Variants in DAB1 observed in about 807,000 individuals in gnomAD.
DAB1 encodes the protein disabled homolog 1.
A neutral mutation model predicts 64.6 loss-of-function variants in DAB1; 15 were observed. The ratio of observed to expected loss-of-function variants is 0.23; its 90% confidence interval spans 0.16 to 0.36. DAB1 has a LOEUF of 0.36. DAB1 is among the 10% of genes least tolerant of loss of function. DAB1 has a pLI of 1.00. For missense variants in DAB1, 596 were observed against 706.7 expected, an observed-to-expected ratio of 0.84 and a Z score of 1.78; for synonymous variants, 235 against 251.9, an observed-to-expected ratio of 0.93 and a Z score of 0.64.
intron 4 of DAB1, among the ~76,000 whole-genome samples, chr1:58,266,389 G>T (rs1227466724): frequency 6.6e-6 from 1 of 152,132 alleles, no homozygotes; most frequent in African/African-American, 2.4e-5. Flanking sequence ...GCTTCTCTCT[G>T]CTGCCAGGAA....
upstream of DAB1, among the ~76,000 whole-genome samples, chr1:57,887,839 G>A (rs1644248724): frequency 6.6e-6 from 1 of 152,174 alleles, no homozygotes; most frequent in African/African-American, 2.4e-5. Flanking sequence ...TGGTTTTTCT[G>A]TGGTTTGGAT....
chr1:58,408,019 A>T (rs1644633163), intron 3 of DAB1, among the ~76,000 whole-genome samples: 2 of 152,172 alleles, frequency 1.3e-5, no homozygotes, highest in African/African-American at 4.8e-5. Context: ...TTTCTCTAAC[A>T]TGGTGGGTCT....
chr1:57,718,174 GA>G (rs1243189749), intron 6 of DAB1, among the ~76,000 whole-genome samples: 1 of 152,064 alleles, frequency 6.6e-6, no homozygotes, highest in Non-Finnish European at 1.5e-5. Context: ...TCACCACAAA[GA>G]AATGATAAAT....
chr1:57,290,679 C>T (rs1034266977), intron 2 of DAB1, among the ~76,000 whole-genome samples: 7 of 151,914 alleles, frequency 4.6e-5, no homozygotes, highest in East Asian at 3.9e-4. Flanking sequence ...ATTATGAATA[C>T]GAAACACACA....
chr1:58,061,779 G>A (rs1054298566), intron 5 of DAB1, among the ~76,000 whole-genome samples: 1 of 151,882 alleles, frequency 6.6e-6, no homozygotes, highest in Non-Finnish European at 1.5e-5. Context: ...TCCCCATAGG[G>A]TTTATTGCAC....
At chr1:57,938,525 T>C (rs1254648372) in intron 5 of DAB1, among the ~76,000 whole-genome samples, 2 of 152,166 alleles carry the variant, frequency 1.3e-5, no homozygotes, top group African/African-American at 4.8e-5. Context: ...CCGCTTCACT[T>C]GTTCGCTCTC....
At chr1:58,190,768 T>C (rs572311963) in intron 4 of DAB1, among the ~76,000 whole-genome samples, 26 of 152,312 alleles carry the variant, frequency 1.7e-4, no homozygotes, top group Middle Eastern at 3.4e-3. Context: ...GGAAATGCTA[T>C]AAATAGCAAA....
At chr1:57,015,508 AC>A (rs975715198) in intron 11 of DAB1, 77 bp from the exon 12 acceptor site, 73 of 1,331,056 alleles carry the variant, frequency 5.5e-5, no homozygotes, top group Non-Finnish European at 7.3e-5. Context: ...CAGGTAATTG[AC>A]AGAAATGTAT....
chr1:58,291,651 G>T (rs1034715265), intron 4 of DAB1, among the ~76,000 whole-genome samples: 1 of 152,178 alleles, frequency 6.6e-6, no homozygotes, highest in African/African-American at 2.4e-5. Context: ...TTACTATGTG[G>T]CAAGTGCTTC....
chr1:57,687,165 C>T (rs1377016404), intron 6 of DAB1, among the ~76,000 whole-genome samples: 5 of 152,284 alleles, frequency 3.3e-5, no homozygotes, highest in South Asian at 4.1e-4. Flanking sequence ...CATCAAAAGG[C>T]TACTAGAACT....
At chr1:58,176,302 C>T (rs1439283881) in intron 4 of DAB1, among the ~76,000 whole-genome samples, 1 of 152,138 alleles carries the variant, frequency 6.6e-6, no homozygotes, top group Non-Finnish European at 1.5e-5. Flanking sequence ...AGACAATATT[C>T]ACTATAGATA....
intron 4 of DAB1, among the ~76,000 whole-genome samples, chr1:58,296,357 C>A (rs1661994159): frequency 6.6e-6 from 1 of 152,114 alleles, no homozygotes; most frequent in African/African-American, 2.4e-5. Context: ...TGATTGTGGT[C>A]CCTCCCAAAG....
intron 1 of DAB1, among the ~76,000 whole-genome samples, chr1:57,304,214 G>C (rs1339569591): frequency 6.6e-6 from 1 of 152,090 alleles, no homozygotes; most frequent in East Asian, 1.9e-4. Context: ...AGAAGGTGGG[G>C]GAGGTGCCTC....
intron 3 of DAB1, among the ~76,000 whole-genome samples, chr1:58,450,614 C>T (rs1252896412): frequency 6.6e-6 from 1 of 152,058 alleles, no homozygotes; most frequent in African/African-American, 2.4e-5. Flanking sequence ...ATTAGCCGGG[C>T]GTGGTGGCAG....
intron 4 of DAB1, among the ~76,000 whole-genome samples, chr1:58,194,142 A>C (rs554889880): frequency 1.1e-4 from 17 of 152,322 alleles, no homozygotes; most frequent in African/African-American, 3.8e-4. Flanking sequence ...AAATGTTTTT[A>C]TTTTAATTTA....
At chr1:58,296,639 T>C (rs964102595) in intron 4 of DAB1, among the ~76,000 whole-genome samples, 2 of 152,216 alleles carry the variant, frequency 1.3e-5, no homozygotes, top group Non-Finnish European at 1.5e-5. Context: ...TCATTTTTCA[T>C]GGGAAGCATT....
chr1:57,038,706 C>T (rs1647321306), intron 9 of DAB1, among the ~76,000 whole-genome samples: 1 of 152,162 alleles, frequency 6.6e-6, no homozygotes, highest in Non-Finnish European at 1.5e-5. Flanking sequence ...TACATCTTCC[C>T]TTGAAGTGCT....
At chr1:58,312,551 A>C (rs1662453409) in intron 4 of DAB1, among the ~76,000 whole-genome samples, 1 of 152,198 alleles carries the variant, frequency 6.6e-6, no homozygotes, top group African/African-American at 2.4e-5. Flanking sequence ...CATCCGAAAC[A>C]TTCTGGAACC....
chr1:57,355,403 T>C (rs573075076), intron 1 of DAB1, among the ~76,000 whole-genome samples: 59 of 151,808 alleles, frequency 3.9e-4, no homozygotes, highest in Middle Eastern at 6.8e-3. Context: ...CGTCCTTCCG[T>C]CCTTCCTTCC....
Sources: gnomAD v4.1 joint callset for allele counts (sites outside exome capture counted in the v4.1 genomes callset) on GRCh38, gnomAD v4.1.1 for gene constraint, MANE v1.5 for transcripts, NCBI Gene and HGNC (gene_info 2026-07-23, HGNC 2026-07-21) for gene names.